LRP1B: variants seen among roughly 807,000 people sequenced by gnomAD.
LRP1B encodes the protein LDL receptor related protein 1B.
In LRP1B, 217 loss-of-function variants were observed where a neutral mutation model predicts 556.6. The observed-to-expected ratio is 0.39, with a 90% CI of 0.35 to 0.44. LRP1B has a LOEUF of 0.44. LRP1B is among the 20% of genes least tolerant of loss of function. The pLI, the probability that LRP1B is intolerant of heterozygous loss-of-function variation, is 1.00. For synonymous variants in LRP1B, 2,047 were observed against 1,865.8 expected, an observed-to-expected ratio of 1.10 and a Z score of -2.50; for missense variants, 5,053 against 5,620.8, an observed-to-expected ratio of 0.90 and a Z score of 3.23.
At chr2:140,858,782 T>C (rs1233120061) in intron 27 of LRP1B, among the ~76,000 whole-genome samples, 1 of 152,042 alleles carries the variant, frequency 6.6e-6, no homozygotes, top group Non-Finnish European at 1.5e-5. Context: ...CCCCACCATG[T>C]GTCCATGTGT....
chr2:141,933,725 A>C (rs1211134801), intron 1 of LRP1B, among the ~76,000 whole-genome samples: 1 of 152,178 alleles, frequency 6.6e-6, no homozygotes, highest in Non-Finnish European at 1.5e-5. Flanking sequence ...AAAACTACAA[A>C]CAACCAAGTA....
chr2:140,524,081 A>C (rs1044802331), intron 49 of LRP1B, among the ~76,000 whole-genome samples: 1 of 151,766 alleles, frequency 6.6e-6, no homozygotes, highest in Non-Finnish European at 1.5e-5. Context: ...TCTGGCAAAG[A>C]AAAAATATCC....
At chr2:141,616,385 C>T (rs1688303623) in intron 2 of LRP1B, among the ~76,000 whole-genome samples, 1 of 152,048 alleles carries the variant, frequency 6.6e-6, no homozygotes. Context: ...CATATTGACT[C>T]TCCCACCCCC....
chr2:140,683,934 T>G (rs548019346), intron 41 of LRP1B: 2 of 428,712 alleles, frequency 4.7e-6, no homozygotes, highest in African/African-American at 4.1e-5. Flanking sequence ...CTGGATGTTG[T>G]GGGCTACGTG....
chr2:141,709,795 T>C (rs879444174), intron 2 of LRP1B, among the ~76,000 whole-genome samples: 4 of 151,762 alleles, frequency 2.6e-5, no homozygotes, highest in Non-Finnish European at 1.5e-5. Flanking sequence ...GATCGGTGTC[T>C]TAGTTTCTTT....
At chr2:140,408,453 T>C (rs921287657) in intron 66 of LRP1B, among the ~76,000 whole-genome samples, 2 of 151,990 alleles carry the variant, frequency 1.3e-5, no homozygotes, top group Admixed American at 1.3e-4. Flanking sequence ...CTGACTTTAT[T>C]GAGCTTATAT....
chr2:140,370,509 C>T (rs1271800322), intron 71 of LRP1B, among the ~76,000 whole-genome samples: 1 of 151,876 alleles, frequency 6.6e-6, no homozygotes, highest in Non-Finnish European at 1.5e-5. Context: ...GTTTGTCATG[C>T]CCAGATTGGG....
At chr2:140,449,880 T>G (rs527386670) in intron 63 of LRP1B, among the ~76,000 whole-genome samples, 1 of 152,210 alleles carries the variant, frequency 6.6e-6, no homozygotes, top group Admixed American at 6.5e-5. Context: ...GCATCTTCAA[T>G]CTGACAGTGA....
intron 1 of LRP1B, among the ~76,000 whole-genome samples, chr2:142,018,317 A>G (rs933988731): frequency 5.9e-5 from 9 of 152,170 alleles, no homozygotes; most frequent in African/African-American, 2.2e-4. Context: ...CTTCAGGTGG[A>G]AATGAATAAC....
chr2:141,709,507 G>A (rs1692278634), intron 2 of LRP1B, among the ~76,000 whole-genome samples: 1 of 152,162 alleles, frequency 6.6e-6, no homozygotes, highest in African/African-American at 2.4e-5. Flanking sequence ...TACTAATGAT[G>A]CCTTAAAGAA....
At chr2:140,358,476 C>T (rs746323992) in intron 73 of LRP1B, among the ~76,000 whole-genome samples, 9 of 151,546 alleles carry the variant, frequency 5.9e-5, no homozygotes, top group African/African-American at 1.2e-4. Context: ...TTTTGAACTT[C>T]GGAATTCAGA....
At chr2:140,743,756 G>C (rs288129) in intron 35 of LRP1B, among the ~76,000 whole-genome samples, 36,418 of 151,364 alleles carry the variant, frequency 0.24, 4,451 homozygotes, top group East Asian at 0.29. Flanking sequence ...TCAGGGGTTC[G>C]AGACCATCCT....
At chr2:140,745,411 T>C (rs1297618625) in intron 35 of LRP1B, among the ~76,000 whole-genome samples, 1 of 152,176 alleles carries the variant, frequency 6.6e-6, no homozygotes, top group Non-Finnish European at 1.5e-5. Flanking sequence ...AAAGAGTCAA[T>C]CTAATTTGAT....
At chr2:140,395,581 A>C (rs1684212039) in intron 66 of LRP1B, among the ~76,000 whole-genome samples, 1 of 152,212 alleles carries the variant, frequency 6.6e-6, no homozygotes, top group South Asian at 2.1e-4. Flanking sequence ...TCCCAGTGAG[A>C]GCCAACCACT....
intron 84 of LRP1B, among the ~76,000 whole-genome samples, chr2:140,284,414 C>T (rs1440886114): frequency 2.1e-5 from 3 of 145,002 alleles, no homozygotes; most frequent in Non-Finnish European, 4.5e-5. Flanking sequence ...AGGAGGTAAT[C>T]ATGAAAAAGA....
chr2:141,888,705 A>G (rs1425751472), intron 1 of LRP1B, among the ~76,000 whole-genome samples: 1 of 152,182 alleles, frequency 6.6e-6, no homozygotes, highest in African/African-American at 2.4e-5. Flanking sequence ...ACGAAAGCCT[A>G]AGGAGAGGGG....
chr2:141,272,987 A>G (rs1685144290), intron 3 of LRP1B, among the ~76,000 whole-genome samples: 2 of 152,182 alleles, frequency 1.3e-5, no homozygotes, highest in South Asian at 4.1e-4. Context: ...CATCTACAAC[A>G]TCTTGTCCAA....
intron 3 of LRP1B, among the ~76,000 whole-genome samples, chr2:141,308,223 G>A (rs1686673258): frequency 6.6e-6 from 1 of 152,026 alleles, no homozygotes; most frequent in African/African-American, 2.4e-5. Flanking sequence ...CTTGAAATTT[G>A]GGCTACTGGT....
chr2:140,867,830 C>A lies in LRP1B; in HGVS notation c.4339G>T (p.Asp1447Tyr), dbSNP rs2105154443. 1 of 1,538,698 alleles carries A rather than the reference C, an allele frequency of 6.5e-7. No homozygotes were observed. The highest frequency in any genetic ancestry group is 8.7e-7 in the Non-Finnish European group (1 of 1,143,134). Residue 1447 changes from aspartate to tyrosine, a missense_variant, in exon 27 of 91, where the codon GAT becomes TAT. This residue lies in a region of LRP1B where 3,619 missense variants were observed against 3,931.9 expected (regional missense o/e 0.92). Coordinates refer to ENST00000389484, the MANE Select transcript of LRP1B (RefSeq NM_018557.3). ...KRIVWTDARS[D>Y]AIYSALYDGT... is the part of the protein sequence containing the mutation. ...TCATAGAGGGCTGAATAAATAGCATCTGACCTACAGAAAGATAAATACATG... is the reference window on the plus strand; with the variant it reads ...TCATAGAGGGCTGAATAAATAGCATATGACCTACAGAAAGATAAATACATG...
Sources: gnomAD v4.1 joint callset for allele counts (sites outside exome capture counted in the v4.1 genomes callset) on GRCh38, gnomAD v4.1.1 for gene constraint, gnomAD v4.1.1 regional missense constraint, MANE v1.5 for transcripts, NCBI Gene and HGNC (gene_info 2026-07-23, HGNC 2026-07-21) for gene names.